Variants in RBFOX3 observed in about 807,000 individuals in gnomAD.
RBFOX3 encodes the protein RNA binding protein fox-1 homolog 3.
RBFOX3 carries 17 observed loss-of-function variants against 48.7 expected under a neutral mutation model. That is an observed-to-expected ratio of 0.35 (90% CI 0.24 to 0.52). The LOEUF is 0.52. Among genes scored for constraint, RBFOX3 ranks in the 20% least tolerant of loss-of-function variants. RBFOX3 has a pLI of 0.94. For missense variants in RBFOX3, 382 were observed against 497.5 expected, an observed-to-expected ratio of 0.77 and a Z score of 2.21; for synonymous variants, 212 against 209.5, an observed-to-expected ratio of 1.01 and a Z score of -0.10.
In RBFOX3 at chr17:79,477,545, A is replaced by ACG. The variant is rs2078099014; in HGVS notation, c.-175+4908_-175+4909insCG. 6.6e-6 allele frequency among the ~76,000 whole-genome samples: 1 copy of ACG among 151,040 alleles called. No homozygotes were observed. Among genetic ancestry groups the ACG allele is most frequent in the Non-Finnish European group, 1.5e-5 (1 of 67,888 alleles). ...CACTCCAGCCTGGGCGACAGAGCGA[A>ACG]ACTCCGTCACCGGAAAAAAAAAAAG... On this transcript the variant is annotated intron_variant, in intron 2 of 14. Coordinates refer to ENST00000693108, the MANE Select transcript of RBFOX3 (RefSeq NM_001350451.2). This position sits in a 1 kb window ranked among gnomAD's most constrained non-coding sequence, Gnocchi z 4.8.
intron 4 of RBFOX3, among the ~76,000 whole-genome samples, chr17:79,219,546 C>T (rs2059462748): frequency 6.6e-6 from 1 of 152,172 alleles, no homozygotes; most frequent in South Asian, 2.1e-4. Flanking sequence ...CCTGGTACTG[C>T]CCCTTCAGGC....
intron 4 of RBFOX3, among the ~76,000 whole-genome samples, chr17:79,179,193 G>A (rs1407470561): frequency 6.6e-6 from 1 of 152,180 alleles, no homozygotes; most frequent in Non-Finnish European, 1.5e-5. Context: ...AGAGGGAAGA[G>A]AGAATGATTA....
chr17:79,323,503 T>C (rs530816247), intron 2 of RBFOX3, among the ~76,000 whole-genome samples: 1 of 152,332 alleles, frequency 6.6e-6, no homozygotes, highest in African/African-American at 2.4e-5. Context: ...CCCTGGGTGA[T>C]GATAACGGTA....
In RBFOX3 at chr17:79,362,851, C is replaced by T. The variant is rs1419807080; in HGVS notation, c.-174-55027G>A. 6.6e-6 allele frequency among the ~76,000 whole-genome samples: 1 copy of T among 152,182 alleles called. No homozygotes were observed. Among genetic ancestry groups the T allele is most frequent in the Non-Finnish European group, 1.5e-5 (1 of 68,026 alleles). On this transcript the variant is annotated intron_variant, in intron 2 of 14. Transcript: ENST00000693108. This position sits in a 1 kb window ranked among gnomAD's most constrained non-coding sequence, Gnocchi z 4.2. ...ACATCAGACAACCCTGAACGCCCGG[C>T]TCTGTGTGCAGACCTCATTCTCGGA...
At chr17:79,497,276 G>C (rs1189186538) in intron 1 of RBFOX3, among the ~76,000 whole-genome samples, 1 of 152,152 alleles carries the variant, frequency 6.6e-6, no homozygotes, top group Non-Finnish European at 1.5e-5. Flanking sequence ...TAAGACCTAC[G>C]CATTTCATAG....
intron 1 of RBFOX3, among the ~76,000 whole-genome samples, chr17:79,534,378 G>A (rs897603043): frequency 7.2e-5 from 11 of 152,184 alleles, no homozygotes; most frequent in African/African-American, 2.7e-4. Context: ...GCCATTCCCC[G>A]GCGAGATGCT....
intron 2 of RBFOX3, among the ~76,000 whole-genome samples, chr17:79,349,533 T>C (rs575932268): frequency 7.2e-5 from 11 of 152,180 alleles, no homozygotes; most frequent in South Asian, 2.1e-4. Flanking sequence ...AGACCTCCCA[T>C]TGAAGCACCC....
At chr17:79,213,003 C>CAT (rs1567851514) in intron 4 of RBFOX3, among the ~76,000 whole-genome samples, 8 of 151,240 alleles carry the variant, frequency 5.3e-5, no homozygotes, top group South Asian at 4.3e-4. Flanking sequence ...TACAGGCATG[C>CAT]GCCTGTAATG....
chr17:79,400,693 G>C (rs1183017945), intron 2 of RBFOX3, among the ~76,000 whole-genome samples: 1 of 152,242 alleles, frequency 6.6e-6, no homozygotes, highest in South Asian at 2.1e-4. Context: ...GCTGTAAGCG[G>C]GGTGTCCCAA....
chr17:79,557,452 C>G (rs2091865313), intron 1 of RBFOX3, among the ~76,000 whole-genome samples: 2 of 151,918 alleles, frequency 1.3e-5, no homozygotes, highest in Admixed American at 1.3e-4. Flanking sequence ...GCCAAGCCCC[C>G]ATCCCACAGC....
chr17:79,526,755 G>A (rs1473208965), intron 1 of RBFOX3, among the ~76,000 whole-genome samples: 1 of 152,246 alleles, frequency 6.6e-6, no homozygotes, highest in Admixed American at 6.5e-5. Flanking sequence ...AGATGAACCA[G>A]GCAGGCCTCA....
At chr17:79,625,928 C>T in the RBFOX3 span, among the ~76,000 whole-genome samples, 12 of 152,200 alleles carry the variant, frequency 7.9e-5, no homozygotes, top group Non-Finnish European at 1.8e-4. Context: ...AGCAGAAGCC[C>T]CAACTTTGAG....
Position 79,414,782 on chromosome 17 carries a change from C to T in RBFOX3, c.-175+67672G>A, listed in dbSNP as rs990303212. ...AACAGCCTCTGCACTCCCGCTGGCG[C>T]GAACAGGCTCTGGTGAAAAGATGGG... On this transcript the variant is annotated intron_variant, in intron 2 of 14. Transcript: ENST00000693108. 6.0e-5 allele frequency among the ~76,000 whole-genome samples: 9 copies of T among 150,070 alleles called. No individual in the cohort carries two copies. In the East Asian group the frequency reaches 7.7e-4, roughly 13 times the overall value.
chr17:79,385,138 C>A (rs2060404416), intron 2 of RBFOX3, among the ~76,000 whole-genome samples: 1 of 152,190 alleles, frequency 6.6e-6, no homozygotes, highest in Non-Finnish European at 1.5e-5. Context: ...AGCAGCTTGT[C>A]CCAAAACACC....
At chr17:79,152,689 C>T (rs986025486) in intron 4 of RBFOX3, among the ~76,000 whole-genome samples, 45 of 152,128 alleles carry the variant, frequency 3.0e-4, no homozygotes, top group African/African-American at 9.7e-4. Flanking sequence ...TCACAGCCAG[C>T]GAGAGGGCCA....
chr17:79,420,640 G>C (rs948867083), intron 2 of RBFOX3, among the ~76,000 whole-genome samples: 1 of 152,280 alleles, frequency 6.6e-6, no homozygotes, highest in East Asian at 1.9e-4. Flanking sequence ...GGAAGTGCAC[G>C]GGAACCGCTT....
In RBFOX3 at chr17:79,360,479, C is replaced by T. The variant is rs115843174; in HGVS notation, c.-174-52655G>A. ...CCGTCAGCTTCTGCAAAGGTGCCCG[C>T]GCTCAGCAGGGACGTGAACAGTTTT... is the stretch of plus-strand genomic sequence containing the variant. On this transcript the variant is annotated intron_variant, in intron 2 of 14. Coordinates refer to ENST00000693108, the MANE Select transcript of RBFOX3 (RefSeq NM_001350451.2). Among the ~76,000 whole-genome samples the T allele has an allele frequency of 3.3e-3, 497 of 152,314 alleles. 2 individuals are homozygous for T. The highest frequency in any genetic ancestry group is 0.011 in the African/African-American group (440 of 41,566).
At chr17:79,413,693 G>A (rs773847781) in intron 2 of RBFOX3, among the ~76,000 whole-genome samples, 5 of 152,222 alleles carry the variant, frequency 3.3e-5, no homozygotes, top group Non-Finnish European at 7.3e-5. Context: ...GCAGAGGGGA[G>A]GGGGCTGGAA....
rs60481201 is a variant in RBFOX3 at position 79,312,096 on chromosome 17, C to T, written c.-174-4272G>A. Among the ~76,000 whole-genome samples the T allele has an allele frequency of 2.6e-3, 392 of 152,196 alleles. 2 individuals carry two copies. Among genetic ancestry groups the T allele is most frequent in the African/African-American group, 8.1e-3 (337 of 41,524 alleles). Reference sequence around the variant, plus strand: ...AAAATGCCACAGTTAGCAGCGCTACCGTACTGTAACTAATCGTTTTCTGAA... The same window carrying T: ...AAAATGCCACAGTTAGCAGCGCTACTGTACTGTAACTAATCGTTTTCTGAA... On this transcript the variant is annotated intron_variant, in intron 2 of 14. Coordinates refer to ENST00000693108, the MANE Select transcript of RBFOX3 (RefSeq NM_001350451.2).
Sources: gnomAD v4.1 joint callset for allele counts (sites outside exome capture counted in the v4.1 genomes callset) on GRCh38, gnomAD v4.1.1 for gene constraint, Gnocchi (gnomAD v3.1) non-coding constraint, MANE v1.5 for transcripts, NCBI Gene and HGNC (gene_info 2026-07-23, HGNC 2026-07-21) for gene names.